Variants in SUCLG2 observed in about 807,000 individuals in gnomAD.
SUCLG2 encodes succinate--CoA ligase [GDP-forming] subunit beta, mitochondrial.
A neutral mutation model predicts 47.9 loss-of-function variants in SUCLG2; 42 were observed. That is an observed-to-expected ratio of 0.88 (90% CI 0.69 to 1.14). The LOEUF is 1.14. SUCLG2 is among the 50% of genes most tolerant of loss of function. The probability of loss-of-function intolerance (pLI) is 0.00; values close to 1 mark genes in which losing one functional copy is unlikely to be tolerated. For synonymous variants in SUCLG2, 195 were observed against 197.3 expected, an observed-to-expected ratio of 0.99 and a Z score of 0.10; for missense variants, 571 against 525.9, an observed-to-expected ratio of 1.09 and a Z score of -0.84.
intron 1 of SUCLG2, among the ~76,000 whole-genome samples, chr3:67,622,017 G>A (rs952009005): frequency 2.6e-5 from 4 of 152,134 alleles, no homozygotes; most frequent in Admixed American, 2.0e-4. Context: ...ACAGGCTACA[G>A]TACCTCTATC....
At chr3:67,478,454 T>A (rs1033093764) in intron 9 of SUCLG2, among the ~76,000 whole-genome samples, 6 of 152,210 alleles carry the variant, frequency 3.9e-5, no homozygotes, top group African/African-American at 1.4e-4. Context: ...ACATATATAA[T>A]GACCCTTTCG....
chr3:67,630,314 A>G (rs1261165369), intron 1 of SUCLG2, among the ~76,000 whole-genome samples: 2 of 152,254 alleles, frequency 1.3e-5, no homozygotes, highest in African/African-American at 4.8e-5. Flanking sequence ...AAAATCATTT[A>G]AACTGTAGAC....
At chr3:67,635,531 C>A (rs1045711695) in intron 1 of SUCLG2, among the ~76,000 whole-genome samples, 1 of 152,138 alleles carries the variant, frequency 6.6e-6, no homozygotes, top group Non-Finnish European at 1.5e-5. Context: ...TTTACTTTAG[C>A]TGGGCCACTT....
rs550095737 is a variant in SUCLG2, at chr3:67,592,843, T to C, written c.226+16612A>G. On this transcript the variant is annotated intron_variant, in intron 2 of 10. Coordinates refer to ENST00000307227, the MANE Select transcript of SUCLG2 (RefSeq NM_003848.4). The stretch of plus-strand genomic sequence containing the variant: ...CAGGTACACTGTCACCTCACGATAC[T>C]GTATAGAAAAACCCACAATGTAATT... Among the ~76,000 whole-genome samples the C allele has an allele frequency of 3.2e-4, 48 of 152,114 alleles. No individual in the cohort carries two copies. The South Asian group carries it at 9.6e-3, about 30-fold the overall frequency.
chr3:67,430,416 C>A (rs1342758493), intron 9 of SUCLG2, among the ~76,000 whole-genome samples: 1 of 152,094 alleles, frequency 6.6e-6, no homozygotes, highest in Non-Finnish European at 1.5e-5. Flanking sequence ...AACAAAGACA[C>A]AACATACCAG....
chr3:67,611,096 T>C (rs1700519875), intron 1 of SUCLG2, among the ~76,000 whole-genome samples: 1 of 152,166 alleles, frequency 6.6e-6, no homozygotes, highest in Non-Finnish European at 1.5e-5. Context: ...TGGCCACCTC[T>C]AAAAATAAAA....
intron 2 of SUCLG2, among the ~76,000 whole-genome samples, chr3:67,547,621 C>T (rs1178741924): frequency 1.3e-5 from 2 of 152,100 alleles, no homozygotes; most frequent in African/African-American, 2.4e-5. Context: ...GATCTTGCTA[C>T]CCTAGAAGAA....
At chr3:67,620,584 C>CAAAAAAAAAAAA (rs71109890) in intron 1 of SUCLG2, among the ~76,000 whole-genome samples, 12 of 63,428 alleles carry the variant, frequency 1.9e-4, no homozygotes, top group Admixed American at 8.3e-4. Flanking sequence ...GACTCCATCT[C>CAAAAAAAAAAAA]AAAAAAAAAA....
intron 2 of SUCLG2, among the ~76,000 whole-genome samples, chr3:67,536,820 A>G (rs1706557414): frequency 6.6e-6 from 1 of 152,206 alleles, no homozygotes; most frequent in South Asian, 2.1e-4. Flanking sequence ...TAGGAGGGCC[A>G]TCTGCTTAGG....
At chr3:67,385,092 A>T (rs1360858261) in intron 10 of SUCLG2, among the ~76,000 whole-genome samples, 1 of 152,216 alleles carries the variant, frequency 6.6e-6, no homozygotes, top group Non-Finnish European at 1.5e-5. Context: ...TGGCTCATCA[A>T]ATATGACTTT....
intron 1 of SUCLG2, among the ~76,000 whole-genome samples, chr3:67,628,815 T>C (rs774165599): frequency 2.2e-4 from 33 of 152,152 alleles, no homozygotes; most frequent in Non-Finnish European, 3.5e-4. Flanking sequence ...CTTTATAAAT[T>C]ACCCAGTCTC....
intron 9 of SUCLG2, among the ~76,000 whole-genome samples, chr3:67,440,931 ATG>A (rs1703744124): frequency 1.3e-5 from 2 of 152,244 alleles, no homozygotes; most frequent in South Asian, 2.1e-4. Context: ...ATGCACACTT[ATG>A]TTTACTGCAG....
rs951459434 is a variant in SUCLG2, at chr3:67,545,269, G to T, written c.227-16083C>A. Among the ~76,000 whole-genome samples the T allele has an allele frequency of 2.0e-5, 3 of 152,210 alleles. No individual in the cohort carries two copies. In the East Asian group the frequency reaches 5.8e-4, roughly 29 times the overall value. ...CAGCTTGATGTTGTTGCCATAAAAA[G>T]GAATCCAGGAGGCATTTGTCTTCAA... On this transcript the variant is annotated intron_variant, in intron 2 of 10. Transcript: ENST00000307227.
intron 2 of SUCLG2, among the ~76,000 whole-genome samples, chr3:67,538,873 G>A (rs1178406236): frequency 6.6e-6 from 1 of 152,140 alleles, no homozygotes; most frequent in African/African-American, 2.4e-5. Context: ...TATTAATGGT[G>A]TATAGGAATG....
rs376104206 is a variant in SUCLG2 at position 67,376,423 on chromosome 3, G to C, written c.1184-564C>G. 4.6e-5 allele frequency: 45 copies of C among 985,252 alleles called. No homozygotes were observed. In the African/African-American group the frequency reaches 6.6e-4, roughly 15 times the overall value. 61.0% of individuals were successfully genotyped at this position (985,252 alleles called of 1,614,324 possible). ...TCCTGGTGGATCTGGAGTATCTTCT[G>C]GCCAAGTCACTTCATTCAAAGGTGT... On this transcript the variant is annotated intron_variant, in intron 10 of 10. Coordinates refer to ENST00000307227, the MANE Select transcript of SUCLG2 (RefSeq NM_003848.4).
At chr3:67,581,491 T>C (rs995598174) in intron 2 of SUCLG2, among the ~76,000 whole-genome samples, 9 of 152,212 alleles carry the variant, frequency 5.9e-5, no homozygotes, top group African/African-American at 2.2e-4. Context: ...GAGGAGGGCA[T>C]GCAATGAAGT....
At chr3:67,586,054 T>A (rs552616813) in intron 2 of SUCLG2, among the ~76,000 whole-genome samples, 1 of 151,488 alleles carries the variant, frequency 6.6e-6, no homozygotes, top group Non-Finnish European at 1.5e-5. Flanking sequence ...TCCTCCACAT[T>A]TGTAAAATAA....
intron 2 of SUCLG2, among the ~76,000 whole-genome samples, chr3:67,534,419 A>C (rs1706483855): frequency 6.6e-6 from 1 of 152,052 alleles, no homozygotes; most frequent in Non-Finnish European, 1.5e-5. Context: ...CAGTTTTTTC[A>C]TATTTGCCAT....
chr3:67,444,017 G>A (rs1383024806), intron 9 of SUCLG2, among the ~76,000 whole-genome samples: 5 of 123,884 alleles, frequency 4.0e-5, no homozygotes, highest in Non-Finnish European at 7.2e-5. Flanking sequence ...AGGTGGGGGG[G>A]TCAGCCCCCC....
Sources: allele counts gnomAD v4.1 joint callset (sites outside exome capture counted in the v4.1 genomes callset), GRCh38; gene constraint gnomAD v4.1.1; transcripts MANE v1.5; gene names NCBI Gene and HGNC (gene_info 2026-07-23, HGNC 2026-07-21).